Variants in HAVCR2 observed in about 807,000 individuals in gnomAD.
The protein encoded by HAVCR2 is T cell immunoglobulin mucin 3.
Under a neutral mutation model 24.7 loss-of-function variants are expected in HAVCR2, and 13 were observed. The observed-to-expected ratio is 0.53, with a 90% CI of 0.34 to 0.84. HAVCR2 has a LOEUF of 0.84. Among genes scored for constraint, HAVCR2 ranks in the 40% least tolerant of loss-of-function variants. HAVCR2 has a pLI of 0.01. For missense variants in HAVCR2, 343 were observed against 371.2 expected, an observed-to-expected ratio of 0.92 and a Z score of 0.62; for synonymous variants, 154 against 143.4, an observed-to-expected ratio of 1.07 and a Z score of -0.53.
At chr5:157,089,806 C>T (rs992445283) in intron 5 of HAVCR2, among the ~76,000 whole-genome samples, 4 of 152,000 alleles carry the variant, frequency 2.6e-5, no homozygotes, top group East Asian at 1.9e-4. Context: ...ATTAAGGGAG[C>T]GGCCCAAGAT....
rs1234461923 is a variant in HAVCR2 at position 157,087,125 on chromosome 5, C to A, written c.883G>T (p.Gly295Cys). 6.2e-7 allele frequency: 1 copy of A among 1,613,296 alleles called. No individual in the cohort carries two copies. Among genetic ancestry groups the A allele is most frequent in the Non-Finnish European group, 8.5e-7 (1 of 1,179,878 alleles). ...ATCTATGGCATTGCAAAGCGACAAC[C>A]CAAAGGTTGTGAGGGTTGCTGCCTG... is the stretch of plus-strand genomic sequence containing the variant. ...SSRQQPSQPLGCRFAMP is the reference protein window; with the variant it reads ...SSRQQPSQPLCCRFAMP The change falls in exon 7 of 7, where the codon GGT becomes TGT. Residue 295 changes from glycine to cysteine, a missense_variant. Physicochemically the swap from Gly to Cys is radical, Grantham distance 159. Transcript: ENST00000307851.
chr5:157,109,027 A>C lies in HAVCR2; in HGVS notation c.-44T>G. The C allele has an allele frequency of 6.4e-7, 1 of 1,569,080 alleles. No homozygotes were observed. The highest frequency in any genetic ancestry group is 2.2e-5 in the East Asian group (1 of 44,668). ...GTCAGAGGACACCTCTGTTAGGCACAGTTTTAACTCTCCAAATGGACTGGG... is the reference window on the plus strand; with the variant it reads ...GTCAGAGGACACCTCTGTTAGGCACCGTTTTAACTCTCCAAATGGACTGGG... On this transcript the variant is annotated 5_prime_UTR_variant, in exon 1 of 7. Coordinates refer to ENST00000307851, the MANE Select transcript of HAVCR2 (RefSeq NM_032782.5).
At chr5:157,095,255 T>C in intron 5 of HAVCR2, 51 bp downstream of exon 5, 2 of 1,596,348 alleles carry the variant, frequency 1.3e-6, no homozygotes, top group East Asian at 4.5e-5. Flanking sequence ...TTTTTACTGG[T>C]TCTCACTGAA....
Position 157,104,682 on chromosome 5 carries a change from G to C in HAVCR2, c.462C>G (p.Thr154=). The change falls in exon 3 of 7, where the codon ACC becomes ACG. Residue 154 remains threonine (T), a synonymous_variant. Transcript: ENST00000307851. The stretch of plus-strand genomic sequence containing the variant: ...CATAGTTACCTGGGCCATGTCCCCT[G>C]GTGGTAAGCATCCTTGGAAAGGCTG... ...FTAAFPRMLT[T]RGHGPAETQT... 3.1e-6 allele frequency: 5 copies of C among 1,603,126 alleles called. No homozygotes were observed. Among genetic ancestry groups the C allele is most frequent in the Non-Finnish European group, 4.3e-6 (5 of 1,173,954 alleles).
In HAVCR2 at chr5:157,087,429, A is replaced by G. The variant is rs1401778574; in HGVS notation, c.714-135T>C. 5 of 498,628 alleles carry G rather than the reference A, an allele frequency of 1.0e-5. No homozygotes were observed. In the African/African-American group the frequency reaches 1.2e-4, roughly 12 times the overall value. The allele number at this position is 498,628 out of a possible 1,614,324, so 30.9% of individuals were successfully genotyped here. ...CTTTGATCAGATGCTGAACAAGTGG[A>G]AAAGCCAAGAAATAGCAATAAAATA... On this transcript the variant is annotated intron_variant, in intron 6 of 6. Transcript: ENST00000307851.
chr5:157,099,031 C>T (rs546858943), intron 3 of HAVCR2, 130 bp from the exon 4 acceptor site: 13 of 773,404 alleles, frequency 1.7e-5, no homozygotes, highest in African/African-American at 5.3e-5. Flanking sequence ...AATTCTACTC[C>T]GTACTTGTCA....
chr5:157,091,838 T>C (rs1282316797), intron 5 of HAVCR2, among the ~76,000 whole-genome samples: 1 of 152,160 alleles, frequency 6.6e-6, no homozygotes, highest in East Asian at 1.9e-4. Flanking sequence ...CAGTGAGGTA[T>C]GGATGGTCAT....
At chr5:157,089,011 CA>C in intron 5 of HAVCR2, 34 bp from the exon 6 acceptor site, 2 of 1,574,454 alleles carry the variant, frequency 1.3e-6, no homozygotes, top group Non-Finnish European at 1.7e-6. Context: ...AATAAAAATG[CA>C]TTCATAAAAT....
rs184371340 is a variant in HAVCR2 at position 157,106,381 on chromosome 5, C to T, written c.394+246G>A. 904 of 485,498 alleles carry T rather than the reference C, an allele frequency of 1.9e-3. 3 individuals are homozygous for T. The highest frequency in any genetic ancestry group is 9.4e-3 in the Admixed American group (270 of 28,852). The allele number at this position is 485,498 out of a possible 1,614,324, so 30.1% of individuals were successfully genotyped here. ...TCCTGACCTCATGATCCACCGGCCT[C>T]AGCCTCCCAAAGTGCTGGGATTAGA... is the stretch of plus-strand genomic sequence containing the variant. On this transcript the variant is annotated intron_variant, in intron 2 of 6. Transcript: ENST00000307851.
chr5:157,103,948 G>A (rs1045414630), intron 3 of HAVCR2, among the ~76,000 whole-genome samples: 6 of 151,998 alleles, frequency 3.9e-5, no homozygotes, highest in African/African-American at 1.5e-4. Context: ...TGGGATAAAC[G>A]TTTTAGACAT....
Position 157,086,311 on chromosome 5 carries a change from T to A in HAVCR2, c.*791A>T, listed in dbSNP as rs543444381. 1 of 152,218 alleles carries A rather than the reference T, an allele frequency of 6.6e-6. No individual in the cohort carries two copies. Among genetic ancestry groups the A allele is most frequent in the Non-Finnish European group, 1.5e-5 (1 of 68,056 alleles). The allele number at this position is 152,218 out of a possible 1,614,324, so 9.4% of individuals were successfully genotyped here. A position where few individuals can be genotyped will look rare whatever the true frequency, so the allele number is the denominator to read the frequency against. The stretch of plus-strand genomic sequence containing the variant: ...CCTAAATCTCAACATTCCAAGGGAA[T>A]CTTCAAGATCAAGGTAGACCTGGTC... On this transcript the variant is annotated 3_prime_UTR_variant, in exon 7 of 7. Coordinates refer to ENST00000307851, the MANE Select transcript of HAVCR2 (RefSeq NM_032782.5).
Position 157,102,081 on chromosome 5 carries a change from C to T in HAVCR2, c.478+2585G>A, listed in dbSNP as rs143830471. ...CCTCCTGAGTAGCTGGAATTATAGG[C>T]ATGCACCACCATGACCAGCTAATTT... On this transcript the variant is annotated intron_variant, in intron 3 of 6. Transcript: ENST00000307851. Among the ~76,000 whole-genome samples, 31 of 151,464 alleles carry T rather than the reference C, an allele frequency of 2.0e-4. No homozygotes were observed. The East Asian group carries it at 5.8e-3, about 29-fold the overall frequency.
In HAVCR2 at chr5:157,095,951, C is replaced by A. The variant is rs187153020; in HGVS notation, c.523-492G>T. 4.6e-3 allele frequency among the ~76,000 whole-genome samples: 701 copies of A among 152,206 alleles called. 1 individual carries two copies. The highest frequency in any genetic ancestry group is 7.3e-3 in the Non-Finnish European group (497 of 68,008). On this transcript the variant is annotated intron_variant, in intron 4 of 6. Coordinates refer to ENST00000307851, the MANE Select transcript of HAVCR2 (RefSeq NM_032782.5). Reference sequence around the variant, plus strand: ...TTCAAATCCCAGCTCTGAGGCCGGGCGCGGTGGCTAATGCCTGTAATCCCA... The same window carrying A: ...TTCAAATCCCAGCTCTGAGGCCGGGAGCGGTGGCTAATGCCTGTAATCCCA...
chr5:157,098,048 G>A (rs1757117941), intron 4 of HAVCR2, among the ~76,000 whole-genome samples: 1 of 151,592 alleles, frequency 6.6e-6, no homozygotes, highest in Non-Finnish European at 1.5e-5. Context: ...AAGTTGGGCG[G>A]ATCACCTGAG....
chr5:157,092,189 G>A (rs1442918171), intron 5 of HAVCR2, among the ~76,000 whole-genome samples: 1 of 149,278 alleles, frequency 6.7e-6, no homozygotes, highest in Non-Finnish European at 1.5e-5. Flanking sequence ...TATATAAAGT[G>A]GTCTCTAATA....
At chr5:157,094,855 A>G (rs898138802) in intron 5 of HAVCR2, among the ~76,000 whole-genome samples, 2 of 152,208 alleles carry the variant, frequency 1.3e-5, no homozygotes, top group Non-Finnish European at 2.9e-5. Context: ...TGAGAAACCA[A>G]TAACAGAAAA....
rs374860336 is a variant in HAVCR2 at position 157,087,197 on chromosome 5, C to T, written c.811G>A (p.Val271Ile). Residue 271 changes from valine (V) to isoleucine (I), a missense_variant, in exon 7 of 7, where the codon GTA becomes ATA. Transcript: ENST00000307851. ...EENIYTIEEN[V>I]YEVEEPNEYY... ...TCATTGGGCTCCTCCACTTCATATA[C>T]GTTCTCTTCAATGGTATAGATGTTT... 147 of 1,613,930 alleles carry T rather than the reference C, an allele frequency of 9.1e-5. No homozygotes were observed. Among genetic ancestry groups the T allele is most frequent in the Admixed American group, 3.7e-4 (22 of 59,946 alleles).
At chr5:157,089,036 A>T in intron 5 of HAVCR2, 59 bp from the exon 6 acceptor site, 1 of 1,464,076 alleles carries the variant, frequency 6.8e-7, no homozygotes, top group Non-Finnish European at 9.5e-7. Context: ...TGAGACAAGA[A>T]ATCAAATAGG....
rs1461789983 is a variant in HAVCR2 at position 157,086,587 on chromosome 5, G to T, written c.*515C>A. 6.5e-6 allele frequency: 1 copy of T among 153,190 alleles called. No homozygotes were observed. Among genetic ancestry groups the T allele is most frequent in the Admixed American group, 6.5e-5 (1 of 15,288 alleles). 9.5% of individuals were successfully genotyped at this position (153,190 alleles called of 1,614,324 possible). On this transcript the variant is annotated 3_prime_UTR_variant, in exon 7 of 7. Transcript: ENST00000307851. ...CGCTTGAACCCAGGAGGCGGAGCTTGCAGTGAGCCGAGATTGTGCCATTGC... is the reference window on the plus strand; with the variant it reads ...CGCTTGAACCCAGGAGGCGGAGCTTTCAGTGAGCCGAGATTGTGCCATTGC...
Sources: allele counts gnomAD v4.1 joint callset (sites outside exome capture counted in the v4.1 genomes callset), GRCh38; gene constraint gnomAD v4.1.1; transcripts MANE v1.5; gene names NCBI Gene and HGNC (gene_info 2026-07-23, HGNC 2026-07-21).